NMBR: variants seen among roughly 807,000 people sequenced by gnomAD.
NMBR encodes neuromedin B receptor.
NMBR carries 16 observed loss-of-function variants against 20.5 expected under a neutral mutation model. The ratio of observed to expected loss-of-function variants is 0.78; its 90% confidence interval spans 0.53 to 1.19. NMBR has a LOEUF of 1.19. Ranked by LOEUF, NMBR falls within the 50% of genes most tolerant of loss-of-function variation. The pLI is 0.00. For missense variants in NMBR, 582 were observed against 499.1 expected (o/e 1.17, Z -1.58); for synonymous variants, 212 against 196.6 (o/e 1.08, Z -0.65).
chr6:142,118,205 T>C (rs959270729), intron 1 of NMBR, among the ~76,000 whole-genome samples: 1 of 152,102 alleles, frequency 6.6e-6, no homozygotes, highest in Admixed American at 6.6e-5. Context: ...GGTATTAAAG[T>C]GATTGGAAAT....
rs189491292 is a variant in NMBR, at chr6:142,077,945, A to G, written c.771+610T>C. On this transcript the variant is annotated intron_variant, in intron 3 of 3. Transcript: ENST00000258042. ...GAAGAAAAAGTACATAAGGTGCATG[A>G]TGTAATTTTTAAATGAGCGTATTAT... Among the ~76,000 whole-genome samples, 432 of 152,324 alleles carry G rather than the reference A, an allele frequency of 2.8e-3. 2 individuals are homozygous for G. The highest frequency in any genetic ancestry group is 4.0e-3 in the Non-Finnish European group (270 of 68,032).
intron 1 of NMBR, among the ~76,000 whole-genome samples, chr6:142,105,716 T>C (rs1441460997): frequency 1.3e-5 from 2 of 152,158 alleles, no homozygotes; most frequent in South Asian, 2.1e-4. Flanking sequence ...TTTAGTTACA[T>C]ACATTAACTA....
intron 2 of NMBR, among the ~76,000 whole-genome samples, chr6:142,086,074 T>C (rs949827528): frequency 3.3e-5 from 5 of 151,788 alleles, no homozygotes; most frequent in African/African-American, 4.8e-5. Flanking sequence ...AGCTTTTAAG[T>C]CTGCTGGTAA....
At chr6:142,145,351 T>C (rs544078976) in intron 1 of NMBR, among the ~76,000 whole-genome samples, 1 of 152,222 alleles carries the variant, frequency 6.6e-6, no homozygotes, top group South Asian at 2.1e-4. Context: ...TAGAAAGACA[T>C]CATAGTCAAG....
At position 142,121,480 on chromosome 6, in the gene NMBR, A is replaced by G. The variant is rs934696797; in HGVS notation, c.-664+25564T>C. On this transcript the variant is annotated intron_variant, in intron 1 of 3. Transcript: ENST00000258042. The stretch of plus-strand genomic sequence containing the variant: ...AAGGAAAAATTCTTGAAGGAAATTA[A>G]AAGTGCTACTCCGATTAATACAAGA... Among the ~76,000 whole-genome samples the G allele has an allele frequency of 1.5e-4, 23 of 151,978 alleles. 1 individual carries two copies.
intron 1 of NMBR, among the ~76,000 whole-genome samples, chr6:142,122,144 A>C (rs1777954373): frequency 6.6e-6 from 1 of 151,888 alleles, no homozygotes; most frequent in African/African-American, 2.4e-5. Flanking sequence ...CTTTCCTTTC[A>C]CCGCATTTTG....
intron 1 of NMBR, among the ~76,000 whole-genome samples, chr6:142,121,571 T>A (rs2039575653): frequency 6.6e-6 from 1 of 151,936 alleles, no homozygotes; most frequent in Admixed American, 6.6e-5. Context: ...GGATAGAAGA[T>A]CAAACTGTAA....
chr6:142,118,555 C>T (rs764823429), intron 1 of NMBR, among the ~76,000 whole-genome samples: 1 of 152,026 alleles, frequency 6.6e-6, no homozygotes, highest in African/African-American at 2.4e-5. Context: ...GTTGCCTCTG[C>T]TTCTACACTT....
At chr6:142,094,408 A>G (rs534384402) in intron 1 of NMBR, among the ~76,000 whole-genome samples, 16 of 152,288 alleles carry the variant, frequency 1.1e-4, no homozygotes, top group African/African-American at 3.6e-4. Flanking sequence ...TAAATAGGGA[A>G]TCCTTTCCCC....
chr6:142,134,103 T>A (rs1778202281), intron 1 of NMBR: 2 of 546,028 alleles, frequency 3.7e-6, no homozygotes, highest in South Asian at 5.6e-5. Context: ...TGTAAAATAA[T>A]GTCATAATAT....
At chr6:142,121,697 T>C (rs1777945986) in intron 1 of NMBR, among the ~76,000 whole-genome samples, 1 of 151,812 alleles carries the variant, frequency 6.6e-6, no homozygotes, top group Non-Finnish European at 1.5e-5. Flanking sequence ...ATTCCCTCCT[T>C]AGCCTTAAAA....
intron 1 of NMBR, among the ~76,000 whole-genome samples, chr6:142,138,128 C>G (rs530002718): frequency 6.6e-6 from 1 of 152,042 alleles, no homozygotes; most frequent in African/African-American, 2.4e-5. Flanking sequence ...TAGTGTATTT[C>G]TTTTTATCTG....
chr6:142,135,531 C>T (rs1778236996), intron 1 of NMBR, among the ~76,000 whole-genome samples: 1 of 151,582 alleles, frequency 6.6e-6, no homozygotes, highest in African/African-American at 2.4e-5. Context: ...TTTTAGGGTA[C>T]ATGTGCACAA....
intron 1 of NMBR, among the ~76,000 whole-genome samples, chr6:142,124,329 G>A (rs1427769889): frequency 6.6e-6 from 1 of 151,590 alleles, no homozygotes; most frequent in Non-Finnish European, 1.5e-5. Flanking sequence ...TCCCAAGCTT[G>A]CCAGAATGAG....
Position 142,075,990 on chromosome 6 carries a change from G to A in NMBR, c.831C>T (p.Phe277=). The A allele has an allele frequency of 1.9e-6, 3 of 1,611,886 alleles. No individual in the cohort carries two copies. Among genetic ancestry groups the A allele is most frequent in the Non-Finnish European group, 8.5e-7 (1 of 1,179,310 alleles). ...AAAGGATGTGGTTTGGAAACCAACA[G>A]AAGATGAAACAGCCCACAAAGACAA... The part of the protein sequence containing the change: ...IVLVFVGCFI[F]CWFPNHILYM... The change falls in exon 4 of 4, where the codon TTC becomes TTT. Residue 277 remains phenylalanine, a synonymous_variant. Transcript: ENST00000258042.
intron 1 of NMBR, among the ~76,000 whole-genome samples, chr6:142,097,768 A>G (rs184775739): frequency 2.8e-4 from 42 of 152,136 alleles, no homozygotes; most frequent in Non-Finnish European, 2.9e-5. Flanking sequence ...CACAGATGAT[A>G]GATGTATAAA....
chr6:142,129,620 T>C (rs1176218863), intron 1 of NMBR, among the ~76,000 whole-genome samples: 1 of 151,976 alleles, frequency 6.6e-6, no homozygotes, highest in Non-Finnish European at 1.5e-5. Flanking sequence ...AGACATGGAA[T>C]TTGCGTCTGT....
intron 1 of NMBR, among the ~76,000 whole-genome samples, chr6:142,128,579 T>G (rs1050860001): frequency 6.6e-6 from 1 of 152,068 alleles, no homozygotes; most frequent in Non-Finnish European, 1.5e-5. Flanking sequence ...TATGAGGAAT[T>G]GATTTTGAAT....
At chr6:142,144,000 G>T (rs2114617481) in intron 1 of NMBR, among the ~76,000 whole-genome samples, 1 of 152,304 alleles carries the variant, frequency 6.6e-6, no homozygotes, top group East Asian at 1.9e-4. Flanking sequence ...TTCGTATATA[G>T]TTAGCTTATT....
Sources: allele counts gnomAD v4.1 joint callset (sites outside exome capture counted in the v4.1 genomes callset), GRCh38; gene constraint gnomAD v4.1.1; transcripts MANE v1.5; gene names NCBI Gene and HGNC (gene_info 2026-07-23, HGNC 2026-07-21).